The following MGAT4C variants were observed in gnomAD, a reference collection of about 807,000 sequenced individuals.
MGAT4C encodes the protein alpha-1,3-mannosyl-glycoprotein 4-beta-N-acetylglucosaminyltransferase C.
MGAT4C carries 19 observed loss-of-function variants against 40.1 expected under a neutral mutation model. The observed-to-expected ratio is 0.47, with a 90% CI of 0.33 to 0.70. MGAT4C has a LOEUF of 0.70. MGAT4C is among the 30% of genes least tolerant of loss of function. The pLI is 0.02. For missense variants in MGAT4C, 491 were observed against 563.2 expected (o/e 0.87, Z 1.30); for synonymous variants, 181 against 187.1 (o/e 0.97, Z 0.27).
chr12:86,726,569 TC>T (rs1482508322), intron 2 of MGAT4C, among the ~76,000 whole-genome samples: 1 of 152,182 alleles, frequency 6.6e-6, no homozygotes, highest in Admixed American at 6.5e-5. Flanking sequence ...TGCCATACGT[TC>T]TAGTAACACA....
At chr12:86,516,465 A>G (rs1264723456) in intron 2 of MGAT4C, among the ~76,000 whole-genome samples, 1 of 152,192 alleles carries the variant, frequency 6.6e-6, no homozygotes, top group Non-Finnish European at 1.5e-5. Flanking sequence ...GCAAACAAAC[A>G]AAAACTCAAA....
At chr12:86,211,486 C>T (rs1183441512) in intron 1 of MGAT4C, among the ~76,000 whole-genome samples, 22 of 143,570 alleles carry the variant, frequency 1.5e-4, no homozygotes. Flanking sequence ...ACTCGGGAGG[C>T]TGAGGCGGGA....
intron 1 of MGAT4C, among the ~76,000 whole-genome samples, chr12:86,810,632 A>G (rs1178994682): frequency 6.6e-6 from 1 of 151,832 alleles, no homozygotes; most frequent in Non-Finnish European, 1.5e-5. Flanking sequence ...AGATAACATT[A>G]TTGATTTTTG....
intron 1 of MGAT4C, among the ~76,000 whole-genome samples, chr12:86,157,291 C>T (rs995577752): frequency 1.2e-4 from 19 of 152,112 alleles, no homozygotes; most frequent in Non-Finnish European, 2.1e-4. Context: ...TAACGACCAT[C>T]GGTCGATCCT....
chr12:86,276,173 T>C (rs1953077258), intron 4 of MGAT4C, among the ~76,000 whole-genome samples: 1 of 151,846 alleles, frequency 6.6e-6, no homozygotes, highest in Non-Finnish European at 1.5e-5. Flanking sequence ...AAGTTTGTAG[T>C]GATTTTTTTA....
intron 1 of MGAT4C, among the ~76,000 whole-genome samples, chr12:86,181,584 T>C (rs546374604): frequency 1.3e-5 from 2 of 152,290 alleles, no homozygotes; most frequent in Admixed American, 1.3e-4. Flanking sequence ...ATCTATACAA[T>C]GCAAATTTTA....
intron 2 of MGAT4C, among the ~76,000 whole-genome samples, chr12:86,528,195 A>C (rs1389211368): frequency 6.6e-6 from 1 of 152,112 alleles, no homozygotes; most frequent in African/African-American, 2.4e-5. Context: ...GAAATAATTT[A>C]TGTATTTTTA....
upstream of MGAT4C, among the ~76,000 whole-genome samples, chr12:86,258,943 C>T (rs1056904723): frequency 5.9e-5 from 9 of 151,768 alleles, no homozygotes; most frequent in African/African-American, 2.2e-4. Context: ...ATTAAGTCAA[C>T]TTCAAATTTT....
At position 86,067,993 on chromosome 12, in the gene MGAT4C, C is replaced by G. The variant is rs17013605; in HGVS notation, c.-56-18270G>C. The G allele has an allele frequency of 2.6e-5, 4 of 152,234 alleles. No individual in the cohort carries two copies. In the South Asian group the frequency reaches 8.3e-4, roughly 32 times the overall value. 9.4% of individuals were successfully genotyped at this position (152,234 alleles called of 1,614,324 possible). A position where few individuals can be genotyped will look rare whatever the true frequency, so the allele number is the denominator to read the frequency against. ...ATGGATTTGCTCCTCACCAAAAAAT[C>G]TGGAAGATCCTCAGGTCCTTTTAAG... is the stretch of plus-strand genomic sequence containing the variant. On this transcript the variant is annotated intron_variant, in intron 1 of 4. Coordinates refer to ENST00000611864, the MANE Select transcript of MGAT4C (RefSeq NM_001351288.2).
intron 2 of MGAT4C, among the ~76,000 whole-genome samples, chr12:86,599,305 T>C (rs1419587136): frequency 6.6e-6 from 1 of 152,146 alleles, no homozygotes; most frequent in Non-Finnish European, 1.5e-5. Context: ...CCTGGCAGAT[T>C]AGATGCATTA....
At chr12:86,371,365 TTCCATACTGCTGCTAAAG>T (rs1392152016) in intron 3 of MGAT4C, among the ~76,000 whole-genome samples, 1 of 152,004 alleles carries the variant, frequency 6.6e-6, no homozygotes, top group Non-Finnish European at 1.5e-5. Flanking sequence ...ACAATCAATC[TTCCATACTGCTGCTAAAG>T]GGATCTTTCC....
intron 1 of MGAT4C, among the ~76,000 whole-genome samples, chr12:86,174,809 T>C (rs995936438): frequency 6.6e-6 from 1 of 152,164 alleles, no homozygotes; most frequent in African/African-American, 2.4e-5. Context: ...AATGCATTAT[T>C]TGGTACTCAC....
intron 1 of MGAT4C, among the ~76,000 whole-genome samples, chr12:86,241,666 A>C (rs1250365247): frequency 6.6e-6 from 1 of 152,112 alleles, no homozygotes; most frequent in Non-Finnish European, 1.5e-5. Flanking sequence ...ATCAGTAGAG[A>C]GTGTATTAGC....
At chr12:86,345,627 A>G (rs1955012841) in intron 3 of MGAT4C, among the ~76,000 whole-genome samples, 3 of 152,152 alleles carry the variant, frequency 2.0e-5, no homozygotes, top group Admixed American at 2.0e-4. Flanking sequence ...ATGGCTGCAT[A>G]GTATTCCATG....
intron 1 of MGAT4C, among the ~76,000 whole-genome samples, chr12:86,831,677 T>C (rs979656894): frequency 6.6e-6 from 1 of 151,866 alleles, no homozygotes; most frequent in East Asian, 1.9e-4. Flanking sequence ...GCTTTGGTAT[T>C]GTTCTCCTGT....
chr12:86,773,243 A>C (rs1460943064), intron 1 of MGAT4C, among the ~76,000 whole-genome samples: 1 of 152,186 alleles, frequency 6.6e-6, no homozygotes, highest in Non-Finnish European at 1.5e-5. Context: ...CTAGTCCACT[A>C]TGACTGGTGT....
At chr12:86,431,105 T>A (rs1325727240) in intron 3 of MGAT4C, among the ~76,000 whole-genome samples, 1 of 152,038 alleles carries the variant, frequency 6.6e-6, no homozygotes, top group Non-Finnish European at 1.5e-5. Flanking sequence ...TGAGGCAGGG[T>A]GAGTTAAAAG....
intron 1 of MGAT4C, among the ~76,000 whole-genome samples, chr12:86,191,398 C>A (rs189716529): frequency 6.6e-6 from 1 of 151,830 alleles, no homozygotes; most frequent in Non-Finnish European, 1.5e-5. Flanking sequence ...ATTCAAAATA[C>A]ATTGAAAATA....
At chr12:86,072,026 TTG>T (rs71076158) in intron 1 of MGAT4C, among the ~76,000 whole-genome samples, 17,111 of 148,950 alleles carry the variant, frequency 0.11, 1,241 homozygotes, top group Middle Eastern at 0.23. Context: ...GCATAGGGTT[TTG>T]TGTGTGTGTG....
Sources: allele counts gnomAD v4.1 joint callset (sites outside exome capture counted in the v4.1 genomes callset), GRCh38; gene constraint gnomAD v4.1.1; transcripts MANE v1.5; gene names NCBI Gene and HGNC (gene_info 2026-07-23, HGNC 2026-07-21).